Variants in UNC5D observed in about 807,000 individuals in gnomAD.
UNC5D encodes the protein unc-5 netrin receptor D, also known as netrin receptor UNC5D.
In UNC5D, 39 loss-of-function variants were observed where a neutral mutation model predicts 105.4. That is an observed-to-expected ratio of 0.37 (90% CI 0.29 to 0.48). UNC5D has a LOEUF of 0.48. Among genes scored for constraint, UNC5D ranks in the 20% least tolerant of loss-of-function variants. The probability of loss-of-function intolerance (pLI) is 0.98; values close to 1 mark genes in which losing one functional copy is unlikely to be tolerated. For synonymous variants in UNC5D, 452 were observed against 450.4 expected, an observed-to-expected ratio of 1.00 and a Z score of -0.04; for missense variants, 991 against 1,202.4, an observed-to-expected ratio of 0.82 and a Z score of 2.60.
chr8:35,523,578 CTTTTTTT>C (rs33917742), intron 1 of UNC5D, among the ~76,000 whole-genome samples: 4 of 97,522 alleles, frequency 4.1e-5, no homozygotes, highest in East Asian at 3.5e-4. Flanking sequence ...GTAATGTGCT[CTTTTTTT>C]TTTTTTTTTT....
chr8:35,289,544 A>G (rs899706334), intron 1 of UNC5D, among the ~76,000 whole-genome samples: 1 of 152,214 alleles, frequency 6.6e-6, no homozygotes, highest in Non-Finnish European at 1.5e-5. Flanking sequence ...CAATGGTAAA[A>G]TACACATTCT....
intron 1 of UNC5D, among the ~76,000 whole-genome samples, chr8:35,240,419 C>T (rs55954471): frequency 0.12 from 17,604 of 152,138 alleles, 1,143 homozygotes; most frequent in African/African-American, 0.16. Flanking sequence ...ATTAGTAATA[C>T]TTTCATACTT....
chr8:35,568,308 G>A (rs1817493573), intron 3 of UNC5D, 67 bp downstream of exon 3: 1 of 1,553,168 alleles, frequency 6.4e-7, no homozygotes, highest in Non-Finnish European at 8.7e-7. Context: ...GCTGAAGAGA[G>A]GTTTTACAGA....
In UNC5D at chr8:35,747,233, G is replaced by T. The variant is rs927494726; in HGVS notation, c.1767-1294G>T. Reference sequence around the variant, plus strand: ...AAGATGCTCCTCAATTATATGGCTTGGCTTTATTGCAGCAGCAAGTTATAG... The same window carrying T: ...AAGATGCTCCTCAATTATATGGCTTTGCTTTATTGCAGCAGCAAGTTATAG... On this transcript the variant is annotated intron_variant, in intron 11 of 16. Transcript: ENST00000404895. Among the ~76,000 whole-genome samples the T allele has an allele frequency of 5.9e-5, 9 of 152,088 alleles. No individual in the cohort carries two copies. In the East Asian group the frequency reaches 1.5e-3, roughly 26 times the overall value.
chr8:35,560,260 A>G (rs760330049), intron 2 of UNC5D, among the ~76,000 whole-genome samples: 2 of 152,202 alleles, frequency 1.3e-5, no homozygotes, highest in South Asian at 2.1e-4. Flanking sequence ...AGCATTTTCT[A>G]TGAACAAGTT....
intron 1 of UNC5D, among the ~76,000 whole-genome samples, chr8:35,414,783 C>A (rs2128960914): frequency 6.6e-6 from 1 of 152,200 alleles, no homozygotes; most frequent in Non-Finnish European, 1.5e-5. Flanking sequence ...CTTATTCATT[C>A]CTAGCTTTCC....
intron 1 of UNC5D, among the ~76,000 whole-genome samples, chr8:35,536,627 C>T (rs1483116048): frequency 6.6e-6 from 1 of 152,176 alleles, no homozygotes; most frequent in Non-Finnish European, 1.5e-5. Context: ...TGAAACTCAT[C>T]TCTTGATTGC....
At chr8:35,600,899 C>T (rs1162141604) in intron 4 of UNC5D, among the ~76,000 whole-genome samples, 3 of 151,988 alleles carry the variant, frequency 2.0e-5, no homozygotes, top group Non-Finnish European at 4.4e-5. Flanking sequence ...AATGGTATTG[C>T]CTAGGTTTTC....
At chr8:35,400,907 A>G (rs971818272) in intron 1 of UNC5D, among the ~76,000 whole-genome samples, 2 of 152,150 alleles carry the variant, frequency 1.3e-5, no homozygotes, top group Non-Finnish European at 2.9e-5. Flanking sequence ...TGGAGGGGGC[A>G]TGTATATAAC....
chr8:35,694,084 T>TA (rs1254887547), intron 7 of UNC5D, among the ~76,000 whole-genome samples: 1 of 152,156 alleles, frequency 6.6e-6, no homozygotes, highest in Non-Finnish European at 1.5e-5. Context: ...TGTGATGATG[T>TA]AAACTGGAGA....
intron 1 of UNC5D, among the ~76,000 whole-genome samples, chr8:35,347,151 G>A (rs1811861731): frequency 6.6e-6 from 1 of 152,040 alleles, no homozygotes; most frequent in Admixed American, 6.6e-5. Flanking sequence ...TGTGAATGTG[G>A]TCGACAGAAC....
chr8:35,291,600 T>C (rs1192623894), intron 1 of UNC5D, among the ~76,000 whole-genome samples: 1 of 152,182 alleles, frequency 6.6e-6, no homozygotes, highest in Admixed American at 6.5e-5. Context: ...TATATAATGA[T>C]TGGCTTTCAG....
chr8:35,235,607 G>C lies in UNC5D; in HGVS notation c.-178G>C, dbSNP rs1802404482. 1 of 430,906 alleles carries C rather than the reference G, an allele frequency of 2.3e-6. No homozygotes were observed. Among genetic ancestry groups the C allele is most frequent in the African/African-American group, 2.0e-5 (1 of 48,816 alleles). 26.7% of individuals were successfully genotyped at this position (430,906 alleles called of 1,614,324 possible). On this transcript the variant is annotated 5_prime_UTR_variant, in exon 1 of 17. Transcript: ENST00000404895. ...GCTATGGGGACGCGCCCTTTCTCGGGGTGCCCATTCAGCGGCGGCTCGGAG... is the reference window on the plus strand; with the variant it reads ...GCTATGGGGACGCGCCCTTTCTCGGCGTGCCCATTCAGCGGCGGCTCGGAG...
At chr8:35,729,800 CT>C (rs939894954) in intron 10 of UNC5D, among the ~76,000 whole-genome samples, 20 of 152,162 alleles carry the variant, frequency 1.3e-4, no homozygotes, top group African/African-American at 4.6e-4. Context: ...ATAAATGGAC[CT>C]CCATAAGGCC....
chr8:35,536,711 G>A (rs575153036), intron 1 of UNC5D, among the ~76,000 whole-genome samples: 1 of 152,206 alleles, frequency 6.6e-6, no homozygotes, highest in South Asian at 2.1e-4. Context: ...TAAAAAGCAA[G>A]GTGTGGCTGG....
At chr8:35,760,040 C>CTTTTTTT (rs796124727) in intron 14 of UNC5D, among the ~76,000 whole-genome samples, 2 of 132,932 alleles carry the variant, frequency 1.5e-5, no homozygotes, top group Non-Finnish European at 1.6e-5. Flanking sequence ...TTTACTTTTT[C>CTTTTTTT]TTTTTTTTTT....
At chr8:35,534,471 A>G (rs975735111) in intron 1 of UNC5D, among the ~76,000 whole-genome samples, 1 of 151,880 alleles carries the variant, frequency 6.6e-6, no homozygotes, top group Non-Finnish European at 1.5e-5. Flanking sequence ...CTGTTTGAGA[A>G]ACCTTGTGTT....
At chr8:35,502,003 A>C (rs1224416336) in intron 1 of UNC5D, among the ~76,000 whole-genome samples, 7 of 152,250 alleles carry the variant, frequency 4.6e-5, no homozygotes, top group African/African-American at 1.7e-4. Flanking sequence ...TAAAATATGA[A>C]TTTATAAGAC....
At chr8:35,241,559 T>C (rs1195887149) in intron 1 of UNC5D, among the ~76,000 whole-genome samples, 1 of 152,036 alleles carries the variant, frequency 6.6e-6, no homozygotes, top group Admixed American at 6.6e-5. Flanking sequence ...CTATAGAGCA[T>C]AAAATATTTC....
Sources: allele counts gnomAD v4.1 joint callset (sites outside exome capture counted in the v4.1 genomes callset), GRCh38; gene constraint gnomAD v4.1.1; transcripts MANE v1.5; gene names NCBI Gene and HGNC (gene_info 2026-07-23, HGNC 2026-07-21).